ADAMTSL1: variants seen among roughly 807,000 people sequenced by gnomAD.
ADAMTSL1 encodes the protein ADAMTS-like protein 1.
Under a neutral mutation model 201.8 loss-of-function variants are expected in ADAMTSL1, and 126 were observed. The observed-to-expected ratio is 0.62, with a 90% CI of 0.54 to 0.72. The LOEUF (loss-of-function observed/expected upper bound fraction) is 0.72, where lower values mean the gene tolerates loss of function less well. Among genes scored for constraint, ADAMTSL1 ranks in the 30% least tolerant of loss-of-function variants. The pLI, the probability that ADAMTSL1 is intolerant of heterozygous loss-of-function variation, is 0.00. For synonymous variants in ADAMTSL1, 1,121 were observed against 903.4 expected (o/e 1.24, Z -4.32); for missense variants, 2,679 against 2,277.8 (o/e 1.18, Z -3.59).
chr9:17,968,577 C>A (rs892102299), intron 1 of ADAMTSL1, among the ~76,000 whole-genome samples: 1 of 152,034 alleles, frequency 6.6e-6, no homozygotes, highest in African/African-American at 2.4e-5. Flanking sequence ...TAGGTTGGCA[C>A]CATTGGCATT....
At chr9:18,292,182 A>G (rs751450800) in intron 2 of ADAMTSL1, among the ~76,000 whole-genome samples, 1 of 152,188 alleles carries the variant, frequency 6.6e-6, no homozygotes, top group East Asian at 1.9e-4. Flanking sequence ...GATCTGCGTG[A>G]TCAGTCTCCA....
chr9:18,241,806 C>G (rs1831074697), intron 2 of ADAMTSL1, among the ~76,000 whole-genome samples: 1 of 151,818 alleles, frequency 6.6e-6, no homozygotes, highest in Non-Finnish European at 1.5e-5. Flanking sequence ...ATACAACATA[C>G]AAAGATAGAA....
At chr9:18,893,012 G>T (rs1223380200) in intron 26 of ADAMTSL1, among the ~76,000 whole-genome samples, 1 of 151,452 alleles carries the variant, frequency 6.6e-6, no homozygotes, top group African/African-American at 2.4e-5. Flanking sequence ...CATCTCGTAA[G>T]CCATTTGTGT....
chr9:18,508,557 T>C (rs894413394), intron 2 of ADAMTSL1, among the ~76,000 whole-genome samples: 2 of 152,228 alleles, frequency 1.3e-5, no homozygotes, highest in Non-Finnish European at 2.9e-5. Context: ...ATAATTTTTA[T>C]TTGCAATCTA....
At chr9:18,700,437 T>C (rs1370084837) in intron 13 of ADAMTSL1, among the ~76,000 whole-genome samples, 1 of 152,168 alleles carries the variant, frequency 6.6e-6, no homozygotes, top group African/African-American at 2.4e-5. Context: ...CTTTTCTCTC[T>C]TCCAAGTTTC....
chr9:18,539,526 T>G (rs1020934658), intron 3 of ADAMTSL1, among the ~76,000 whole-genome samples: 1 of 152,182 alleles, frequency 6.6e-6, no homozygotes, highest in Non-Finnish European at 1.5e-5. Context: ...ATTTTGAATA[T>G]TCAAGGGAAA....
chr9:18,020,592 T>A (rs997198780), intron 1 of ADAMTSL1, among the ~76,000 whole-genome samples: 7 of 152,084 alleles, frequency 4.6e-5, no homozygotes, highest in African/African-American at 1.7e-4. Flanking sequence ...GAACTCACTA[T>A]CAACAGAACA....
chr9:18,693,109 T>C (rs575259466), intron 13 of ADAMTSL1, among the ~76,000 whole-genome samples: 45 of 152,262 alleles, frequency 3.0e-4, no homozygotes, highest in Non-Finnish European at 4.7e-4. Flanking sequence ...CTCCTTTGGG[T>C]TTCTCTAACC....
intron 26 of ADAMTSL1, among the ~76,000 whole-genome samples, chr9:18,902,952 C>G (rs1361500380): frequency 6.6e-6 from 1 of 152,166 alleles, no homozygotes; most frequent in African/African-American, 2.4e-5. Context: ...TACCTGTAAT[C>G]CCAACACTTT....
chr9:17,992,616 C>T (rs1187929216), intron 1 of ADAMTSL1, among the ~76,000 whole-genome samples: 3 of 152,012 alleles, frequency 2.0e-5, no homozygotes, highest in South Asian at 4.2e-4. Flanking sequence ...TGAGAGCCTC[C>T]CCCTGCCATC....
intron 16 of ADAMTSL1, among the ~76,000 whole-genome samples, chr9:18,761,666 A>G (rs1388959919): frequency 6.6e-6 from 1 of 152,152 alleles, no homozygotes; most frequent in South Asian, 2.1e-4. Flanking sequence ...TGCCTCTTGC[A>G]TAAGAACTGT....
In ADAMTSL1 at chr9:18,051,009, C is replaced by G. The variant is rs149635019; in HGVS notation, c.88-112853C>G. Among the ~76,000 whole-genome samples the G allele has an allele frequency of 2.0e-3, 298 of 152,142 alleles. 3 individuals are homozygous for G. Among genetic ancestry groups the G allele is most frequent in the African/African-American group, 6.8e-3 (284 of 41,534 alleles). ...TCACTTTACTTAGTCCTTAAAATAT[C>G]CAGACTATATGGCCGGGTGCAGTGG... On this transcript the variant is annotated intron_variant, in intron 1 of 29. Transcript: ENST00000680146.
chr9:18,565,666 C>T (rs186018801), intron 3 of ADAMTSL1, among the ~76,000 whole-genome samples: 11 of 151,886 alleles, frequency 7.2e-5, no homozygotes, highest in African/African-American at 2.7e-4. Flanking sequence ...CCAAAACTGA[C>T]CCCACTTTCT....
intron 13 of ADAMTSL1, among the ~76,000 whole-genome samples, chr9:18,685,570 A>T (rs1026667543): frequency 2.0e-5 from 3 of 152,244 alleles, no homozygotes; most frequent in Admixed American, 6.5e-5. Context: ...AAATTAATTC[A>T]TTTAATGTAA....
chr9:18,906,595 C>A, intron 27 of ADAMTSL1, 97 bp from the exon 28 acceptor site: 1 of 1,010,748 alleles, frequency 9.9e-7, no homozygotes, highest in Non-Finnish European at 1.4e-6. Flanking sequence ...TCTTGAGGAA[C>A]CACCTAACAT....
intron 1 of ADAMTSL1, among the ~76,000 whole-genome samples, chr9:18,033,648 G>T (rs1821071367): frequency 6.6e-6 from 1 of 152,160 alleles, no homozygotes; most frequent in African/African-American, 2.4e-5. Context: ...TCTCAACTTG[G>T]TACTCCAGGT....
At chr9:18,314,930 G>A (rs1402604244) in intron 2 of ADAMTSL1, among the ~76,000 whole-genome samples, 1 of 150,402 alleles carries the variant, frequency 6.6e-6, no homozygotes, top group Non-Finnish European at 1.5e-5. Context: ...CCGAGTAGCT[G>A]GGACTACAGG....
At chr9:18,622,685 G>T in intron 5 of ADAMTSL1, 1 of 510,448 alleles carries the variant, frequency 2.0e-6, no homozygotes, top group East Asian at 3.1e-5. Flanking sequence ...CAGCTCCTGC[G>T]TGATGTGTAG....
chr9:18,514,461 C>T (rs1818244874), intron 2 of ADAMTSL1, among the ~76,000 whole-genome samples: 1 of 151,432 alleles, frequency 6.6e-6, no homozygotes, highest in Non-Finnish European at 1.5e-5. Context: ...TCCCGAGTAG[C>T]TGGGACTACA....
Sources: allele counts gnomAD v4.1 joint callset (sites outside exome capture counted in the v4.1 genomes callset), GRCh38; gene constraint gnomAD v4.1.1; transcripts MANE v1.5; gene names NCBI Gene and HGNC (gene_info 2026-07-23, HGNC 2026-07-21).